SPMIP7: variants seen among roughly 807,000 people sequenced by gnomAD.
SPMIP7 encodes sperm microtubule inner protein 7, also known as protein SPMIP7.
the SPMIP7 span, among the ~76,000 whole-genome samples, chr7:50,145,614 G>T: frequency 2.6e-5 from 1 of 39,064 alleles, no homozygotes; most frequent in Non-Finnish European, 5.8e-5. Flanking sequence ...GTGTATATGT[G>T]TGTGTATATA....
chr7:50,114,453 T>C, the SPMIP7 span, among the ~76,000 whole-genome samples: 21 of 152,106 alleles, frequency 1.4e-4, no homozygotes, highest in African/African-American at 5.1e-4. Context: ...AACCCTGGAG[T>C]TAAAGATGTA....
the SPMIP7 span, among the ~76,000 whole-genome samples, chr7:50,152,977 G>T: frequency 1.8e-4 from 28 of 152,168 alleles, no homozygotes; most frequent in Middle Eastern, 0.017. Context: ...ATGAGCCACC[G>T]TGCCTGGCCT....
At chr7:50,127,137 C>G in the SPMIP7 span, among the ~76,000 whole-genome samples, 2 of 151,884 alleles carry the variant, frequency 1.3e-5, no homozygotes, top group African/African-American at 4.8e-5. Flanking sequence ...AACAAAGGCT[C>G]CAGGAATACA....
chr7:50,122,642 G>A, the SPMIP7 span, among the ~76,000 whole-genome samples: 2 of 150,258 alleles, frequency 1.3e-5, no homozygotes, highest in African/African-American at 4.9e-5. Flanking sequence ...CTACAAAATG[G>A]GAGAAAATTT....
chr7:50,151,316 C>T, the SPMIP7 span: 1 of 711,296 alleles, frequency 1.4e-6, no homozygotes, highest in East Asian at 2.7e-5. Context: ...AAGTTCCACA[C>T]CTCATACAGG....
At chr7:50,141,082 C>G in the SPMIP7 span, among the ~76,000 whole-genome samples, 1 of 152,192 alleles carries the variant, frequency 6.6e-6, no homozygotes, top group East Asian at 1.9e-4. Flanking sequence ...AGCATGCCAC[C>G]GCTCATTCTG....
At chr7:50,157,061 G>A in the SPMIP7 span, among the ~76,000 whole-genome samples, 2 of 152,218 alleles carry the variant, frequency 1.3e-5, no homozygotes, top group Non-Finnish European at 2.9e-5. Context: ...CAAGAGAGAG[G>A]CCATTGGATC....
At chr7:50,128,296 T>G in the SPMIP7 span, among the ~76,000 whole-genome samples, 1 of 151,940 alleles carries the variant, frequency 6.6e-6, no homozygotes, top group Non-Finnish European at 1.5e-5. Context: ...AGATTGGTGG[T>G]TACCAGAGGC....
the SPMIP7 span, among the ~76,000 whole-genome samples, chr7:50,155,250 A>G: frequency 6.6e-6 from 1 of 152,224 alleles, no homozygotes; most frequent in Non-Finnish European, 1.5e-5. Context: ...TGTGATACAC[A>G]AGAAACCATT....
At chr7:50,108,772 CAT>C in the SPMIP7 span, among the ~76,000 whole-genome samples, 1 of 152,024 alleles carries the variant, frequency 6.6e-6, no homozygotes, top group East Asian at 1.9e-4. Flanking sequence ...CTATTTGAAA[CAT>C]GTACATAATT....
At chr7:50,111,941 C>A in the SPMIP7 span, among the ~76,000 whole-genome samples, 2 of 152,098 alleles carry the variant, frequency 1.3e-5, no homozygotes, top group Non-Finnish European at 2.9e-5. Context: ...ATTACTCCCA[C>A]GTCAACTATT....
chr7:50,155,544 A>G, the SPMIP7 span, among the ~76,000 whole-genome samples: 1 of 152,066 alleles, frequency 6.6e-6, no homozygotes, highest in East Asian at 1.9e-4. Flanking sequence ...TGCACAATCC[A>G]TCTTCTCACC....
the SPMIP7 span, among the ~76,000 whole-genome samples, chr7:50,115,282 A>G: frequency 0.28 from 42,566 of 152,038 alleles, 6,861 homozygotes; most frequent in Non-Finnish European, 0.37. Flanking sequence ...TTTAAAATGT[A>G]TATCACCTAA....
the SPMIP7 span, chr7:50,158,895 T>G: frequency 4.3e-6 from 3 of 692,374 alleles, no homozygotes; most frequent in Non-Finnish European, 7.2e-6. Context: ...TGCAGCTGAG[T>G]GCTCCCCAGC....
chr7:50,139,268 G>A, the SPMIP7 span, among the ~76,000 whole-genome samples: 1 of 150,368 alleles, frequency 6.7e-6, no homozygotes, highest in East Asian at 2.0e-4. Flanking sequence ...AGAATCACTT[G>A]AACCCGGGAG....
chr7:50,132,219 T>TTGAACTTGC, the SPMIP7 span, among the ~76,000 whole-genome samples: 17 of 152,124 alleles, frequency 1.1e-4, no homozygotes, highest in African/African-American at 4.1e-4. Flanking sequence ...GGGATCCTTG[T>TTGAACTTGC]TGAACTTGCT....
chr7:50,158,542 C>T, the SPMIP7 span, among the ~76,000 whole-genome samples: 5 of 150,552 alleles, frequency 3.3e-5, no homozygotes, highest in Non-Finnish European at 7.4e-5. Context: ...ACCCATGTCT[C>T]CTCTTGGCCG....
the SPMIP7 span, chr7:50,158,999 T>G: frequency 6.5e-7 from 1 of 1,541,060 alleles, no homozygotes; most frequent in Non-Finnish European, 8.8e-7. Flanking sequence ...TATTTGTACA[T>G]GTCTTTTATG....
At chr7:50,153,824 G>T in the SPMIP7 span, among the ~76,000 whole-genome samples, 2 of 152,102 alleles carry the variant, frequency 1.3e-5, no homozygotes, top group African/African-American at 4.8e-5. Flanking sequence ...CACCCTAGGG[G>T]GTGGCTCTCA....
Sources: allele counts gnomAD v4.1 joint callset (sites outside exome capture counted in the v4.1 genomes callset), GRCh38; gene constraint gnomAD v4.1.1; transcripts MANE v1.5; gene names NCBI Gene and HGNC (gene_info 2026-07-23, HGNC 2026-07-21).